The following COL13A1 variants were observed in gnomAD, a reference collection of about 807,000 sequenced individuals.
The protein encoded by COL13A1 is collagen type XIII alpha 1 chain.
Under a neutral mutation model 130.9 loss-of-function variants are expected in COL13A1, and 89 were observed. The observed-to-expected ratio is 0.68, with a 90% CI of 0.57 to 0.81. The LOEUF (loss-of-function observed/expected upper bound fraction) is 0.81. Ranked by LOEUF, COL13A1 falls within the 30% of genes least tolerant of loss-of-function variation. The pLI is 0.00. For missense variants in COL13A1, 879 were observed against 934.6 expected, an observed-to-expected ratio of 0.94 and a Z score of 0.78; for synonymous variants, 402 against 341.6, an observed-to-expected ratio of 1.18 and a Z score of -1.95.
chr10:69,841,825 C>T (rs1439097345), intron 2 of COL13A1, among the ~76,000 whole-genome samples: 1 of 152,134 alleles, frequency 6.6e-6, no homozygotes, highest in Non-Finnish European at 1.5e-5. Context: ...AGAGACCCTG[C>T]AGTGGGAAGG....
At chr10:69,894,484 C>A in intron 10 of COL13A1, 68 bp from the exon 11 acceptor site, 1 of 1,588,926 alleles carries the variant, frequency 6.3e-7, no homozygotes, top group Non-Finnish European at 8.6e-7. Flanking sequence ...CAATCCCCAC[C>A]CAGGCAGGTG....
intron 31 of COL13A1, among the ~76,000 whole-genome samples, chr10:69,933,157 A>C (rs964997855): frequency 1.7e-4 from 26 of 149,710 alleles, no homozygotes; most frequent in Non-Finnish European, 3.3e-4. Context: ...AAAAAAAAAA[A>C]AAAAAAAAAA....
At chr10:69,869,480 A>G (rs2058844995) in intron 3 of COL13A1, among the ~76,000 whole-genome samples, 1 of 152,210 alleles carries the variant, frequency 6.6e-6, no homozygotes, top group African/African-American at 2.4e-5. Flanking sequence ...TGCCTGTCTG[A>G]TGCCGTCTGG....
intron 2 of COL13A1, among the ~76,000 whole-genome samples, chr10:69,860,047 C>T (rs1212177453): frequency 6.6e-6 from 1 of 152,206 alleles, no homozygotes; most frequent in African/African-American, 2.4e-5. Context: ...CAGCGGGACA[C>T]CCACCTCTAA....
Position 69,905,949 on chromosome 10 carries a change from GGTT to G in COL13A1, c.921+128_921+130del. The G allele has an allele frequency of 1.1e-5, 11 of 1,004,168 alleles. No homozygotes were observed. In the South Asian group the frequency reaches 1.8e-4, roughly 17 times the overall value. 62.2% of individuals were successfully genotyped at this position (1,004,168 alleles called of 1,614,324 possible). On this transcript the variant is annotated intron_variant, in intron 17 of 40. Transcript: ENST00000645393. ...GCTGTGCCTGTAGTGAGGCAGGCCA[GGTT>G]CTCACTGGCCCCCCGAGGGCCTGAT...
intron 5 of COL13A1, among the ~76,000 whole-genome samples, chr10:69,876,816 C>T (rs1242189448): frequency 1.3e-5 from 2 of 152,226 alleles, no homozygotes; most frequent in African/African-American, 2.4e-5. Flanking sequence ...CCCAAGCCAA[C>T]TGTGGGACCC....
chr10:69,872,415 C>A (rs1449372251), intron 4 of COL13A1, among the ~76,000 whole-genome samples: 1 of 152,222 alleles, frequency 6.6e-6, no homozygotes, highest in Non-Finnish European at 1.5e-5. Flanking sequence ...GCTGGGGCAT[C>A]TTTAGCTACA....
At chr10:69,890,895 T>C (rs563728750) in intron 10 of COL13A1, among the ~76,000 whole-genome samples, 20 of 152,374 alleles carry the variant, frequency 1.3e-4, no homozygotes, top group African/African-American at 4.6e-4. Flanking sequence ...CTAACTTGCC[T>C]GAAGTCACAC....
At chr10:69,840,179 G>A (rs1282078567) in intron 2 of COL13A1, among the ~76,000 whole-genome samples, 1 of 152,204 alleles carries the variant, frequency 6.6e-6, no homozygotes, top group Non-Finnish European at 1.5e-5. Flanking sequence ...CTTGACTTGA[G>A]CTGTTGACTG....
At chr10:69,843,182 A>T (rs1046069781) in intron 2 of COL13A1, among the ~76,000 whole-genome samples, 1 of 152,006 alleles carries the variant, frequency 6.6e-6, no homozygotes, top group African/African-American at 2.4e-5. Context: ...TGGTCAGAAG[A>T]TTCAGCCTCC....
chr10:69,935,042 G>A (rs1368921943), intron 31 of COL13A1, among the ~76,000 whole-genome samples: 1 of 152,068 alleles, frequency 6.6e-6, no homozygotes, highest in Admixed American at 6.5e-5. Context: ...GCATGAACAA[G>A]AACCTAGTGC....
chr10:69,887,347 C>G lies in COL13A1; in HGVS notation c.514-109C>G, dbSNP rs538750642. On this transcript the variant is annotated intron_variant, in intron 7 of 40. Coordinates refer to ENST00000645393, the MANE Select transcript of COL13A1 (RefSeq NM_001368882.1). ...AACCACAGTGAGTGTCCCCCAAGGACGATCACACAAAGTGAGAGGGATGGG... is the reference window on the plus strand; with the variant it reads ...AACCACAGTGAGTGTCCCCCAAGGAGGATCACACAAAGTGAGAGGGATGGG... The G allele has an allele frequency of 8.7e-6, 10 of 1,143,606 alleles. No individual in the cohort carries two copies. In the South Asian group the frequency reaches 1.2e-4, roughly 14 times the overall value. The allele number at this position is 1,143,606 out of a possible 1,614,324, so 70.8% of individuals were successfully genotyped here.
At chr10:69,822,274 C>G (rs2132616761) in intron 1 of COL13A1, 95 bp from the exon 2 acceptor site, 9 of 919,788 alleles carry the variant, frequency 9.8e-6, no homozygotes, top group Middle Eastern at 5.6e-4. Context: ...GCCGGTTTCC[C>G]CCTCTTCCTG....
chr10:69,943,991 G>A (rs987443117), intron 35 of COL13A1, 134 bp from the exon 36 acceptor site: 1 of 687,620 alleles, frequency 1.5e-6, no homozygotes, highest in African/African-American at 1.8e-5. Flanking sequence ...TCGAATGACT[G>A]CCCTGAACGA....
intron 39 of COL13A1, chr10:69,955,010 G>A (rs1314044652): frequency 6.6e-6 from 1 of 152,200 alleles, no homozygotes; most frequent in African/African-American, 2.4e-5. Flanking sequence ...AAGGCTCAAG[G>A]GGTTACAGCT....
intron 2 of COL13A1, among the ~76,000 whole-genome samples, chr10:69,848,591 T>C (rs1853790902): frequency 6.6e-6 from 1 of 152,168 alleles, no homozygotes; most frequent in Non-Finnish European, 1.5e-5. Flanking sequence ...AAAACACTAC[T>C]GAGTGAGAGC....
intron 1 of COL13A1, among the ~76,000 whole-genome samples, chr10:69,805,561 G>T (rs898295620): frequency 6.6e-6 from 1 of 152,236 alleles, no homozygotes; most frequent in African/African-American, 2.4e-5. Flanking sequence ...TAGCTTGTCT[G>T]TTGCAACAGC....
At chr10:69,808,397 G>C (rs1341871890) in intron 1 of COL13A1, among the ~76,000 whole-genome samples, 2 of 152,166 alleles carry the variant, frequency 1.3e-5, no homozygotes, top group African/African-American at 4.8e-5. Flanking sequence ...CCTAGGTTGT[G>C]CCAGACATTT....
chr10:69,842,258 T>C (rs1851805843), intron 2 of COL13A1, among the ~76,000 whole-genome samples: 1 of 152,224 alleles, frequency 6.6e-6, no homozygotes, highest in South Asian at 2.1e-4. Flanking sequence ...CTCTCTCGCC[T>C]GCCGCCACAT....
Sources: gnomAD v4.1 joint callset for allele counts (sites outside exome capture counted in the v4.1 genomes callset) on GRCh38, gnomAD v4.1.1 for gene constraint, MANE v1.5 for transcripts, NCBI Gene and HGNC (gene_info 2026-07-23, HGNC 2026-07-21) for gene names.